The following GLI3 variants were observed in gnomAD, a reference collection of about 807,000 sequenced individuals.
GLI3 encodes the protein transcription activator GLI3.
GLI3 carries 20 observed loss-of-function variants against 100.8 expected under a neutral mutation model. The ratio of observed to expected loss-of-function variants is 0.20; its 90% CI spans 0.14 to 0.29. The LOEUF (loss-of-function observed/expected upper bound fraction) is 0.29. GLI3 is among the 10% of genes least tolerant of loss of function. GLI3 has a pLI of 1.00. For synonymous variants in GLI3, 938 were observed against 860.5 expected, an observed-to-expected ratio of 1.09 and a Z score of -1.58; for missense variants, 2,040 against 2,128.5, an observed-to-expected ratio of 0.96 and a Z score of 0.82.
chr7:42,036,522 A>T lies in GLI3; in HGVS notation c.1028+3516T>A, dbSNP rs1426574171. On this transcript the variant is annotated intron_variant, in intron 7 of 14. Coordinates refer to ENST00000395925, the MANE Select transcript of GLI3 (RefSeq NM_000168.6). ...CTACTAAAGGAGAAAGAAAATATGG[A>T]AACGTCAAATAGTGGTAAATGCTAT... Among the ~76,000 whole-genome samples, 3 of 152,350 alleles carry T rather than the reference A, an allele frequency of 2.0e-5. No homozygotes were observed. In the East Asian group the frequency reaches 5.8e-4, roughly 29 times the overall value.
intron 2 of GLI3, among the ~76,000 whole-genome samples, chr7:42,156,689 C>T (rs1234843278): frequency 6.6e-6 from 1 of 152,224 alleles, no homozygotes; most frequent in East Asian, 1.9e-4. Flanking sequence ...CTCTGGAGAT[C>T]TGGCCCAGCC....
intron 8 of GLI3, 135 bp downstream of exon 8, chr7:42,026,064 G>T (rs1042433701): frequency 1.7e-5 from 12 of 693,848 alleles, no homozygotes; most frequent in Non-Finnish European, 3.2e-5. Flanking sequence ...CTAGACCTCA[G>T]CATTAAGAAG....
At chr7:42,038,726 A>C (rs949558144) in intron 7 of GLI3, among the ~76,000 whole-genome samples, 1 of 152,252 alleles carries the variant, frequency 6.6e-6, no homozygotes, top group African/African-American at 2.4e-5. Flanking sequence ...TACCACATTT[A>C]AATATTAACT....
intron 13 of GLI3, among the ~76,000 whole-genome samples, chr7:41,968,759 A>AG (rs1562662101): frequency 7.1e-5 from 7 of 97,938 alleles, no homozygotes; most frequent in African/African-American, 1.8e-4. Flanking sequence ...AAAGAAAGAA[A>AG]GAAGGAAAGA....
chr7:42,047,853 T>A (rs1407126878), intron 5 of GLI3, among the ~76,000 whole-genome samples: 3 of 152,188 alleles, frequency 2.0e-5, no homozygotes, highest in African/African-American at 7.2e-5. Flanking sequence ...ACCATGATGT[T>A]TTCTAAGACC....
chr7:42,116,383 T>C (rs1785856471), intron 3 of GLI3, among the ~76,000 whole-genome samples: 1 of 151,498 alleles, frequency 6.6e-6, no homozygotes, highest in Non-Finnish European at 1.5e-5. Flanking sequence ...ACAACACTTA[T>C]CCTCAGAAAT....
At chr7:42,219,646 G>A (rs1788442867) in intron 2 of GLI3, among the ~76,000 whole-genome samples, 2 of 152,168 alleles carry the variant, frequency 1.3e-5, no homozygotes, top group Admixed American at 6.5e-5. Context: ...GCAAGGACAT[G>A]CAGTGGAATG....
intron 3 of GLI3, among the ~76,000 whole-genome samples, chr7:42,132,337 T>C (rs1786309582): frequency 6.6e-6 from 1 of 152,052 alleles, no homozygotes; most frequent in Non-Finnish European, 1.5e-5. Flanking sequence ...CCTGACCTCC[T>C]GATCCGCCCG....
intron 3 of GLI3, among the ~76,000 whole-genome samples, chr7:42,126,695 T>C (rs767662136): frequency 4.6e-5 from 7 of 152,222 alleles, no homozygotes; most frequent in Non-Finnish European, 8.8e-5. Flanking sequence ...ATAACCACAC[T>C]ATCTTATATC....
At chr7:42,155,594 C>A (rs1786983508) in intron 2 of GLI3, among the ~76,000 whole-genome samples, 1 of 152,142 alleles carries the variant, frequency 6.6e-6, no homozygotes, top group Non-Finnish European at 1.5e-5. Flanking sequence ...ACCATTTGCT[C>A]CAAAGAGCAG....
At chr7:42,118,247 C>T (rs1281921077) in intron 3 of GLI3, 4 of 398,512 alleles carry the variant, frequency 1.0e-5, no homozygotes, top group Non-Finnish European at 1.8e-5. Context: ...CAAATAGTTT[C>T]CACGGATGGC....
chr7:42,028,306 C>G (rs1256661841), intron 7 of GLI3, among the ~76,000 whole-genome samples: 3 of 152,152 alleles, frequency 2.0e-5, no homozygotes. Flanking sequence ...GAAAGAGGGT[C>G]CCTGAAGGTC....
At chr7:41,975,907 C>G (rs1269583161) in intron 12 of GLI3, among the ~76,000 whole-genome samples, 4 of 152,166 alleles carry the variant, frequency 2.6e-5, no homozygotes, top group Non-Finnish European at 5.9e-5. Flanking sequence ...GAAATACATT[C>G]TGTTAAGTCA....
At chr7:42,086,567 C>T (rs1785105654) in intron 3 of GLI3, among the ~76,000 whole-genome samples, 1 of 152,084 alleles carries the variant, frequency 6.6e-6, no homozygotes, top group Admixed American at 6.5e-5. Flanking sequence ...GGACACCTCC[C>T]CATCCGAGAG....
At chr7:42,173,352 G>A (rs1787415037) in intron 2 of GLI3, among the ~76,000 whole-genome samples, 1 of 151,960 alleles carries the variant, frequency 6.6e-6, no homozygotes, top group Non-Finnish European at 1.5e-5. Flanking sequence ...AGCCCAGTCT[G>A]GCCCTATTTT....
intron 10 of GLI3, among the ~76,000 whole-genome samples, chr7:41,988,993 T>C (rs9648514): frequency 0.41 from 62,230 of 152,026 alleles, 13,616 homozygotes; most frequent in East Asian, 0.81. Flanking sequence ...GTGACGTGTG[T>C]AAACTATTCT....
chr7:42,215,057 G>A (rs1583654064), intron 2 of GLI3, among the ~76,000 whole-genome samples: 1 of 152,066 alleles, frequency 6.6e-6, no homozygotes, highest in Admixed American at 6.5e-5. Flanking sequence ...TTTTTAATGT[G>A]AAATGAACAC....
chr7:42,080,924 T>C (rs748741348), intron 3 of GLI3, among the ~76,000 whole-genome samples: 9 of 152,188 alleles, frequency 5.9e-5, no homozygotes, highest in Non-Finnish European at 1.3e-4. Context: ...TATTTACACA[T>C]GAGCAGTGCA....
chr7:41,997,870 T>G (rs538366725), intron 10 of GLI3, among the ~76,000 whole-genome samples: 1 of 152,288 alleles, frequency 6.6e-6, no homozygotes, highest in Non-Finnish European at 1.5e-5. Context: ...GTAGCTGCAG[T>G]TAAGCCGTTC....
Sources: allele counts gnomAD v4.1 joint callset (sites outside exome capture counted in the v4.1 genomes callset), GRCh38; gene constraint gnomAD v4.1.1; transcripts MANE v1.5; gene names NCBI Gene and HGNC (gene_info 2026-07-23, HGNC 2026-07-21).